Variants in GLP2R observed in about 807,000 individuals in gnomAD.
GLP2R encodes glucagon-like peptide 2 receptor.
Under a neutral mutation model 68.2 loss-of-function variants are expected in GLP2R, and 59 were observed. The ratio of observed to expected loss-of-function variants is 0.87; its 90% confidence interval spans 0.70 to 1.07. GLP2R has a LOEUF of 1.07. Among genes scored for constraint, GLP2R ranks in the 50% least tolerant of loss-of-function variants. GLP2R has a pLI of 0.00. For synonymous variants in GLP2R, 270 were observed against 265.4 expected (o/e 1.02, Z -0.17); for missense variants, 548 against 677.4 (o/e 0.81, Z 2.12).
At chr17:9,875,964 G>A (rs1042417127) in intron 10 of GLP2R, among the ~76,000 whole-genome samples, 35 of 152,254 alleles carry the variant, frequency 2.3e-4, no homozygotes, top group Admixed American at 5.9e-4. Flanking sequence ...CACAACTTCC[G>A]TCTCCCAGGT....
intron 11 of GLP2R, 97 bp downstream of exon 11, chr17:9,880,613 T>C (rs2067186572): frequency 1.3e-6 from 1 of 790,424 alleles, no homozygotes; most frequent in Non-Finnish European, 2.0e-6. Context: ...TGGATGAAAA[T>C]AGAATTGTAG....
chr17:9,875,940 C>G (rs114637658), intron 10 of GLP2R, among the ~76,000 whole-genome samples: 2 of 152,190 alleles, frequency 1.3e-5, no homozygotes, highest in Non-Finnish European at 2.9e-5. Flanking sequence ...TGCAATGGCA[C>G]GATCTTGGCT....
At chr17:9,865,236 C>T (rs1382606037) in intron 9 of GLP2R, among the ~76,000 whole-genome samples, 1 of 152,146 alleles carries the variant, frequency 6.6e-6, no homozygotes, top group African/African-American at 2.4e-5. Context: ...CCTGTCAATT[C>T]TTCTTCTAAA....
chr17:9,844,416 G>A (rs2066817176), intron 4 of GLP2R, among the ~76,000 whole-genome samples: 2 of 152,166 alleles, frequency 1.3e-5, no homozygotes, highest in South Asian at 4.2e-4. Context: ...CAGGAACCGT[G>A]GCAGCAACTC....
chr17:9,834,521 G>C (rs1276882460), intron 2 of GLP2R: 2 of 153,692 alleles, frequency 1.3e-5, no homozygotes, highest in African/African-American at 4.8e-5. Flanking sequence ...TAGCGAATAT[G>C]TAATTGTTGT....
At chr17:9,858,492 C>G (rs539921944) in intron 6 of GLP2R, among the ~76,000 whole-genome samples, 4 of 152,080 alleles carry the variant, frequency 2.6e-5, no homozygotes, top group Non-Finnish European at 5.9e-5. Context: ...GTGCTAGCCT[C>G]GTAAAACAAA....
chr17:9,838,537 C>T (rs1022537978), intron 3 of GLP2R, among the ~76,000 whole-genome samples: 15 of 152,256 alleles, frequency 9.9e-5, no homozygotes, highest in African/African-American at 3.6e-4. Context: ...CTACCTGTCC[C>T]TTTCCAAGAG....
chr17:9,829,241 T>G (rs140512298), intron 1 of GLP2R, among the ~76,000 whole-genome samples: 1 of 152,190 alleles, frequency 6.6e-6, no homozygotes, highest in Non-Finnish European at 1.5e-5. Flanking sequence ...ACATAAACTA[T>G]CTAAGGATTT....
chr17:9,859,123 G>A (rs1181350742), intron 6 of GLP2R, among the ~76,000 whole-genome samples: 1 of 151,952 alleles, frequency 6.6e-6, no homozygotes, highest in Admixed American at 6.6e-5. Flanking sequence ...ATTATATAAG[G>A]TTTGGTATTA....
chr17:9,863,715 AC>A (rs1323287977), intron 9 of GLP2R, among the ~76,000 whole-genome samples: 1 of 152,040 alleles, frequency 6.6e-6, no homozygotes, highest in Non-Finnish European at 1.5e-5. Flanking sequence ...CTGGATGCTC[AC>A]CTCACGAAGT....
intron 3 of GLP2R, among the ~76,000 whole-genome samples, chr17:9,839,001 G>A (rs1234350490): frequency 2.0e-5 from 3 of 152,228 alleles, no homozygotes; most frequent in Non-Finnish European, 4.4e-5. Flanking sequence ...AACAGAAGCT[G>A]TAACTGACGA....
chr17:9,871,393 A>G (rs2067091573), intron 10 of GLP2R, among the ~76,000 whole-genome samples: 1 of 151,574 alleles, frequency 6.6e-6, no homozygotes. Flanking sequence ...TGGGAAAAGG[A>G]CAGTCTTGTT....
In GLP2R at chr17:9,889,765, G is replaced by T. The variant is rs2067275685; in HGVS notation, c.*60G>T. On this transcript the variant is annotated 3_prime_UTR_variant, in exon 13 of 13. Coordinates refer to ENST00000262441, the MANE Select transcript of GLP2R (RefSeq NM_004246.3). ...GACTCTTGAGGGGGCCCAGGAAGAG[G>T]AAGCAAAGCAGGACACACGTTGCTG... 9.1e-7 allele frequency: 1 copy of T among 1,096,272 alleles called. No individual in the cohort carries two copies. Among genetic ancestry groups the T allele is most frequent in the Non-Finnish European group, 1.3e-6 (1 of 771,136 alleles). 67.9% of individuals were successfully genotyped at this position (1,096,272 alleles called of 1,614,324 possible).
intron 3 of GLP2R, among the ~76,000 whole-genome samples, chr17:9,841,898 T>A (rs1466673793): frequency 6.6e-6 from 1 of 152,206 alleles, no homozygotes; most frequent in Non-Finnish European, 1.5e-5. Flanking sequence ...TAGATGTGAC[T>A]GAGTCACAAT....
At chr17:9,840,397 C>G (rs1279835589) in intron 3 of GLP2R, among the ~76,000 whole-genome samples, 1 of 152,228 alleles carries the variant, frequency 6.6e-6, no homozygotes, top group Non-Finnish European at 1.5e-5. Context: ...ATTCCCAGCA[C>G]AAAGCATTAT....
At chr17:9,840,585 G>A (rs2066777224) in intron 3 of GLP2R, among the ~76,000 whole-genome samples, 1 of 152,234 alleles carries the variant, frequency 6.6e-6, no homozygotes, top group Non-Finnish European at 1.5e-5. Context: ...AGGAGAGACA[G>A]ACAATTATCA....
intron 4 of GLP2R, chr17:9,852,780 A>T: frequency 3.9e-6 from 1 of 254,104 alleles, no homozygotes; most frequent in Non-Finnish European, 7.7e-6. Context: ...CAGTTTCCTC[A>T]TCAAAATCAT....
At chr17:9,833,945 C>A in intron 2 of GLP2R, 51 bp downstream of exon 2, 1 of 1,148,618 alleles carries the variant, frequency 8.7e-7, no homozygotes, top group South Asian at 1.2e-5. Flanking sequence ...TGCCCCAAAG[C>A]TTAGCGGCTC....
rs555020231 is a variant in GLP2R at position 9,849,965 on chromosome 17, T to A, written c.505-4530T>A. Among the ~76,000 whole-genome samples, 68 of 152,288 alleles carry A rather than the reference T, an allele frequency of 4.5e-4. 2 individuals are homozygous for A. The South Asian group carries it at 0.013, about 30-fold the overall frequency. ...GCCACAGTGAATAATCTCAGATGTT[T>A]ATGTTGGCTTATATTTGTGGCAGTA... On this transcript the variant is annotated intron_variant, in intron 4 of 12. Coordinates refer to ENST00000262441, the MANE Select transcript of GLP2R (RefSeq NM_004246.3).
Sources: allele counts gnomAD v4.1 joint callset (sites outside exome capture counted in the v4.1 genomes callset), GRCh38; gene constraint gnomAD v4.1.1; transcripts MANE v1.5; gene names NCBI Gene and HGNC (gene_info 2026-07-23, HGNC 2026-07-21).